SEMA3F: variants seen among roughly 807,000 people sequenced by gnomAD.
SEMA3F encodes the protein semaphorin 3F.
Under a neutral mutation model 98.5 loss-of-function variants are expected in SEMA3F, and 30 were observed. The observed-to-expected ratio is 0.30, with a 90% CI of 0.23 to 0.41. The LOEUF (loss-of-function observed/expected upper bound fraction) is 0.41. Among genes scored for constraint, SEMA3F ranks in the 10% least tolerant of loss-of-function variants. SEMA3F has a pLI of 1.00. For synonymous variants in SEMA3F, 380 were observed against 444.8 expected (o/e 0.85, Z 1.83); for missense variants, 866 against 1,119.3 (o/e 0.77, Z 3.23).
chr3:50,184,711 G>A lies in SEMA3F; in HGVS notation c.1353G>A (p.Arg451=). The part of the protein sequence containing the change: ...MYQAVYPLQR[R]PLVVRTGAPY... The stretch of plus-strand genomic sequence containing the variant: ...AGGCCGTGTACCCTCTGCAGCGGCG[G>A]CCCCTGGTAGTCCGCACAGGTGCTC... The change falls in exon 13 of 19, where the codon CGG becomes CGA. Residue 451 remains arginine (R), a synonymous_variant. Coordinates refer to ENST00000002829, the MANE Select transcript of SEMA3F (RefSeq NM_004186.5). The A allele has an allele frequency of 6.2e-7, 1 of 1,614,138 alleles. No individual in the cohort carries two copies. The highest frequency in any genetic ancestry group is 8.5e-7 in the Non-Finnish European group (1 of 1,179,988).
chr3:50,183,285 A>T (rs1435916958), intron 11 of SEMA3F, 30 bp downstream of exon 11: 1 of 1,611,098 alleles, frequency 6.2e-7, no homozygotes. Flanking sequence ...CAGCAGTGGC[A>T]GGGAGTGGCC....
rs1698100005 is a variant in SEMA3F at position 50,158,989 on chromosome 3, T to G, written c.-48-586T>G. ...TCTCCTGCTTTGATTTTAGTACAAGTGGACTCTGCCATTCTCTGCCTTTCC... is the reference window on the plus strand; with the variant it reads ...TCTCCTGCTTTGATTTTAGTACAAGGGGACTCTGCCATTCTCTGCCTTTCC... On this transcript the variant is annotated intron_variant, in intron 1 of 18. Coordinates refer to ENST00000002829, the MANE Select transcript of SEMA3F (RefSeq NM_004186.5). This position sits in a 1 kb window ranked among gnomAD's most constrained non-coding sequence, Gnocchi z 4.8. 6.6e-6 allele frequency: 1 copy of G among 152,410 alleles called. No homozygotes were observed. Among genetic ancestry groups the G allele is most frequent in the African/African-American group, 2.4e-5 (1 of 41,446 alleles). The allele number at this position is 152,410 out of a possible 1,614,324, so 9.4% of individuals were successfully genotyped here.
Position 50,173,972 on chromosome 3 carries a change from G to A in SEMA3F, c.273+19G>A, listed in dbSNP as rs764091820. 6 of 1,613,880 alleles carry A rather than the reference G, an allele frequency of 3.7e-6. No individual in the cohort carries two copies. The East Asian group carries it at 1.1e-4, about 30-fold the overall frequency. On this transcript the variant is annotated intron_variant, in intron 3 of 18. Coordinates refer to ENST00000002829, the MANE Select transcript of SEMA3F (RefSeq NM_004186.5). ...CCTCATTGTAAGGGCTGGCCCTGATGTGGGACGTGGGGTGGGCACGGAGCC... is the reference window on the plus strand; with the variant it reads ...CCTCATTGTAAGGGCTGGCCCTGATATGGGACGTGGGGTGGGCACGGAGCC...
chr3:50,183,976 G>A (rs1699115349), intron 12 of SEMA3F, among the ~76,000 whole-genome samples: 1 of 152,198 alleles, frequency 6.6e-6, no homozygotes, highest in Non-Finnish European at 1.5e-5. Flanking sequence ...ATCTTGATGT[G>A]ACACCGGCTG....
At chr3:50,186,859 C>T in intron 18 of SEMA3F, 113 bp downstream of exon 18, 2 of 1,116,710 alleles carry the variant, frequency 1.8e-6, no homozygotes, top group South Asian at 2.0e-5. Context: ...CTTCCAAGCT[C>T]CCTTCCCTAC....
Position 50,183,205 on chromosome 3 carries a change from G to C in SEMA3F, c.1038G>C (p.Gln346His), listed in dbSNP as rs1699081626. 2 of 1,614,124 alleles carry C rather than the reference G, an allele frequency of 1.2e-6. No individual in the cohort carries two copies. The highest frequency in any genetic ancestry group is 1.3e-5 in the African/African-American group (1 of 75,080). ...CCCCAGAGGACGTGTTTGTCCAGCA[G>C]ACCCAGGACGTGAGGAACCCTGTCA... ...FDELQDVFVQ[Q>H]TQDVRNPVIY... Residue 346 changes from glutamine to histidine, a missense_variant, in exon 11 of 19, where the codon CAG (glutamine) becomes CAC (histidine). Physicochemically the swap from Gln to His is conservative, Grantham distance 24. Transcript: ENST00000002829.
At chr3:50,184,883 TG>T in intron 13 of SEMA3F, 69 bp downstream of exon 13, 1 of 1,233,458 alleles carries the variant, frequency 8.1e-7, no homozygotes, top group Non-Finnish European at 1.2e-6. Context: ...TCCTTGGGGC[TG>T]GGGCTTGCCC....
At chr3:50,181,279 T>A (rs1314159495) in intron 7 of SEMA3F, among the ~76,000 whole-genome samples, 1 of 152,092 alleles carries the variant, frequency 6.6e-6, no homozygotes, top group Non-Finnish European at 1.5e-5. Context: ...CACTTTATTG[T>A]TAGCTATGCT....
chr3:50,159,659 C>A lies in SEMA3F; in HGVS notation c.37C>A (p.Leu13Met), dbSNP rs2072053. 4.3e-6 allele frequency: 7 copies of A among 1,613,070 alleles called. No homozygotes were observed. In the South Asian group the frequency reaches 7.7e-5, roughly 18 times the overall value. ...VAGLLLWASL[L>M]TGAWPSFPTQ... Reference sequence around the variant, plus strand: ...CGGTCTTCTTCTCTGGGCTTCCCTACTGACCGGGGCCTGGCCATCCTTCCC... The same window carrying A: ...CGGTCTTCTTCTCTGGGCTTCCCTAATGACCGGGGCCTGGCCATCCTTCCC... The change falls in exon 2 of 19, where the codon CTG becomes ATG. Residue 13 changes from leucine (L) to methionine (M), a missense_variant. Leu to Met is a conservative substitution (Grantham distance 15). Transcript: ENST00000002829.
rs1376752270 is a variant in SEMA3F, at chr3:50,188,487, C to G, written c.*372C>G. On this transcript the variant is annotated 3_prime_UTR_variant, in exon 19 of 19. Coordinates refer to ENST00000002829, the MANE Select transcript of SEMA3F (RefSeq NM_004186.5). The surrounding 1 kb of genome is among the most constrained non-coding windows in gnomAD (Gnocchi z 4.5). ...CTCGGATGGGGCACGGACTGTCCAC[C>G]TTTTCTGATGTGTGTTGTCAGCCTG... The G allele has an allele frequency of 6.6e-6, 1 of 152,368 alleles. No homozygotes were observed. Among genetic ancestry groups the G allele is most frequent in the African/African-American group, 2.4e-5 (1 of 41,462 alleles). 9.4% of individuals were successfully genotyped at this position (152,368 alleles called of 1,614,324 possible).
chr3:50,155,511 C>A lies in SEMA3F; in HGVS notation c.-102C>A, dbSNP rs1459219906. 1 of 322,088 alleles carries A rather than the reference C, an allele frequency of 3.1e-6. No homozygotes were observed. The highest frequency in any genetic ancestry group is 5.6e-6 in the Non-Finnish European group (1 of 177,068). 20.0% of individuals were successfully genotyped at this position (322,088 alleles called of 1,614,324 possible). On this transcript the variant is annotated 5_prime_UTR_variant, in exon 1 of 19. Coordinates refer to ENST00000002829, the MANE Select transcript of SEMA3F (RefSeq NM_004186.5). This position sits in a 1 kb window ranked among gnomAD's most constrained non-coding sequence, Gnocchi z 4.9. ...TAGCGCGGACCGGCCCAACGGGAGC[C>A]GCTCCGTGCCGCCGCCGCCGCCCGG...
chr3:50,188,017 C>T lies in SEMA3F; in HGVS notation c.2260C>T (p.Pro754Ser), dbSNP rs938516953. 2 of 1,600,148 alleles carry T rather than the reference C, an allele frequency of 1.2e-6. No homozygotes were observed. Among genetic ancestry groups the T allele is most frequent in the Non-Finnish European group, 1.7e-6 (2 of 1,174,292 alleles). ...QYCQGYWRHV[P>S]PSPREAPGAP... is the part of the protein sequence containing the mutation. ...CTGCCAGGGTTACTGGCGCCATGTG[C>T]CCCCCAGCCCCAGGGAGGCTCCAGG... is the stretch of plus-strand genomic sequence containing the variant. The change falls in exon 19 of 19, where the codon CCC becomes TCC. Residue 754 changes from proline (P) to serine (S), a missense_variant. Physicochemically the swap from Pro to Ser is moderately conservative, Grantham distance 74. This residue lies in a region of SEMA3F where 245 missense variants were observed against 260.5 expected (regional missense o/e 0.94). Coordinates refer to ENST00000002829, the MANE Select transcript of SEMA3F (RefSeq NM_004186.5). This position sits in a 1 kb window ranked among gnomAD's most constrained non-coding sequence, Gnocchi z 4.5.
Position 50,187,994 on chromosome 3 carries a change from G to T in SEMA3F, c.2237G>T (p.Cys746Phe). The change falls in exon 19 of 19, where the codon TGC (cysteine) becomes TTC (phenylalanine). Residue 746 changes from cysteine (C) to phenylalanine (F), a missense_variant. This residue lies in a region of SEMA3F where 245 missense variants were observed against 260.5 expected (regional missense o/e 0.94). Coordinates refer to ENST00000002829, the MANE Select transcript of SEMA3F (RefSeq NM_004186.5). The stretch of plus-strand genomic sequence containing the variant: ...GAAGTGGGCCTCATCCACCAGTACT[G>T]CCAGGGTTACTGGCGCCATGTGCCC... ...QPEVGLIHQY[C>F]QGYWRHVPPS... 1 of 1,606,998 alleles carries T rather than the reference G, an allele frequency of 6.2e-7. No homozygotes were observed. The highest frequency in any genetic ancestry group is 8.5e-7 in the Non-Finnish European group (1 of 1,177,610).
chr3:50,184,939 C>T (rs767936978), intron 13 of SEMA3F, 125 bp downstream of exon 13: 82 of 694,144 alleles, frequency 1.2e-4, no homozygotes, highest in South Asian at 7.7e-4. Flanking sequence ...TCTTCATCCT[C>T]ATCCTTTGGT....
In SEMA3F at chr3:50,182,156, A is replaced by G. The variant is rs1049319309; in HGVS notation, c.644-128A>G. 4 of 1,173,720 alleles carry G rather than the reference A, an allele frequency of 3.4e-6. No individual in the cohort carries two copies. In the African/African-American group the frequency reaches 4.5e-5, roughly 13 times the overall value. The allele number at this position is 1,173,720 out of a possible 1,614,324, so 72.7% of individuals were successfully genotyped here. On this transcript the variant is annotated intron_variant, in intron 7 of 18. Coordinates refer to ENST00000002829, the MANE Select transcript of SEMA3F (RefSeq NM_004186.5). The surrounding 1 kb of genome is among the most constrained non-coding windows in gnomAD (Gnocchi z 4.5). ...GTGGTGAAACACTGACCAGCACTCC[A>G]CTGGAGATAGGATCATGCCCCAGGG...
chr3:50,179,631 G>C (rs1242670415), intron 7 of SEMA3F, among the ~76,000 whole-genome samples: 1 of 152,190 alleles, frequency 6.6e-6, no homozygotes. Context: ...TGGCCAGAAG[G>C]CTGTTTTATC....
chr3:50,184,402 C>T, intron 12 of SEMA3F, 190 bp from the exon 13 acceptor site: 1 of 593,016 alleles, frequency 1.7e-6, no homozygotes, highest in Non-Finnish European at 3.0e-6. Flanking sequence ...TGGCATTTGG[C>T]CACCTGGGAC....
intron 2 of SEMA3F, among the ~76,000 whole-genome samples, chr3:50,171,806 G>A (rs1276405903): frequency 3.3e-5 from 5 of 152,216 alleles, no homozygotes; most frequent in South Asian, 2.1e-4. Flanking sequence ...CTTCAGAGGC[G>A]CCGCTGGACA....
intron 16 of SEMA3F, 107 bp from the exon 17 acceptor site, chr3:50,186,174 C>A (rs1699203222): frequency 2.8e-6 from 4 of 1,452,392 alleles, no homozygotes; most frequent in Non-Finnish European, 1.9e-6. Flanking sequence ...ATGGGTAAGA[C>A]ATCACTGCCC....
Sources: gnomAD v4.1 joint callset for allele counts (sites outside exome capture counted in the v4.1 genomes callset) on GRCh38, gnomAD v4.1.1 for gene constraint, gnomAD v4.1.1 regional missense constraint, Gnocchi (gnomAD v3.1) non-coding constraint, MANE v1.5 for transcripts, NCBI Gene and HGNC (gene_info 2026-07-23, HGNC 2026-07-21) for gene names.